MOV10L1: variants seen among roughly 807,000 people sequenced by gnomAD.
MOV10L1 encodes the protein RNA helicase Mov10l1.
A neutral mutation model predicts 143.8 loss-of-function variants in MOV10L1; 110 were observed. That is an observed-to-expected ratio of 0.76 (90% CI 0.66 to 0.90). MOV10L1 has a LOEUF of 0.90. Ranked by LOEUF, MOV10L1 falls within the 40% of genes least tolerant of loss-of-function variation. MOV10L1 has a pLI of 0.00. For missense variants in MOV10L1, 1,406 were observed against 1,526.8 expected, an observed-to-expected ratio of 0.92 and a Z score of 1.32; for synonymous variants, 593 against 581.1, an observed-to-expected ratio of 1.02 and a Z score of -0.29.
intron 5 of MOV10L1, among the ~76,000 whole-genome samples, chr22:50,111,636 T>C (rs1356623995): frequency 1.3e-5 from 2 of 151,920 alleles, no homozygotes; most frequent in Non-Finnish European, 2.9e-5. Flanking sequence ...CCTGAGTAGC[T>C]GGGACTATAG....
intron 15 of MOV10L1, among the ~76,000 whole-genome samples, chr22:50,141,635 G>A (rs996641914): frequency 9.9e-5 from 15 of 151,922 alleles, no homozygotes; most frequent in African/African-American, 3.1e-4. Context: ...CCCCGTGCCC[G>A]GCCTGGTGCA....
chr22:50,155,887 C>T (rs937601261), intron 22 of MOV10L1, among the ~76,000 whole-genome samples: 1 of 152,014 alleles, frequency 6.6e-6, no homozygotes, highest in Admixed American at 6.5e-5. Context: ...CCTGTCTCTA[C>T]AAAAAATACA....
In MOV10L1 at chr22:50,113,802, T is replaced by C; in HGVS notation, c.884+14T>C. On this transcript the variant is annotated intron_variant, in intron 6 of 26. Coordinates refer to ENST00000262794, the MANE Select transcript of MOV10L1 (RefSeq NM_018995.3). Reference sequence around the variant, plus strand: ...GATCTGGATAGAGTGAGTTTGCCACTGAAACATTTTCTATAAAGCTACATT... The same window carrying C: ...GATCTGGATAGAGTGAGTTTGCCACCGAAACATTTTCTATAAAGCTACATT... The C allele has an allele frequency of 1.9e-6, 3 of 1,570,142 alleles. No individual in the cohort carries two copies. Among genetic ancestry groups the C allele is most frequent in the Non-Finnish European group, 2.6e-6 (3 of 1,158,844 alleles).
intron 12 of MOV10L1, among the ~76,000 whole-genome samples, chr22:50,126,754 G>A (rs2062518483): frequency 6.6e-6 from 1 of 152,210 alleles, no homozygotes; most frequent in East Asian, 1.9e-4. Flanking sequence ...ATCTGCATGA[G>A]AAGGGAGGTG....
intron 7 of MOV10L1, 51 bp downstream of exon 7, chr22:50,114,673 G>C: frequency 3.8e-6 from 6 of 1,597,902 alleles, no homozygotes; most frequent in Non-Finnish European, 4.3e-6. Context: ...GCTGGGGGCC[G>C]TGGGGTTGTG....
In MOV10L1 at chr22:50,101,071, A is replaced by T. The variant is rs571341984; in HGVS notation, c.442+1469A>T. 3.9e-5 allele frequency among the ~76,000 whole-genome samples: 6 copies of T among 151,916 alleles called. 1 individual carries two copies. In the South Asian group the frequency reaches 1.2e-3, roughly 32 times the overall value. ...GGAAGTGGCTTCTGAGCTGAAGTCC[A>T]TTTGCACAGCCCACAGCACTGCCTG... On this transcript the variant is annotated intron_variant, in intron 3 of 26. Coordinates refer to ENST00000262794, the MANE Select transcript of MOV10L1 (RefSeq NM_018995.3).
chr22:50,102,727 C>T (rs2061776390), intron 3 of MOV10L1, among the ~76,000 whole-genome samples: 1 of 152,020 alleles, frequency 6.6e-6, no homozygotes, highest in Non-Finnish European at 1.5e-5. Context: ...CATGGAGAAA[C>T]CCCGTCTCTA....
At position 50,143,124 on chromosome 22, in the gene MOV10L1, A is replaced by AATT; in HGVS notation, c.2262_2263insTTA (p.Lys754_Arg755insLeu). 1 of 1,614,176 alleles carries AATT rather than the reference A, an allele frequency of 6.2e-7. No homozygotes were observed. Among genetic ancestry groups the AATT allele is most frequent in the Non-Finnish European group, 8.5e-7 (1 of 1,179,996 alleles). On this transcript the variant is annotated inframe_insertion, in exon 17 of 27. Transcript: ENST00000262794. ...AATGAAAATCAGAAGTTAGCAGTTA[A>AATT]AAGGATTCTGAGTGGTGACTGCCGT...
intron 5 of MOV10L1, 76 bp from the exon 6 acceptor site, chr22:50,113,572 A>G: frequency 5.8e-6 from 9 of 1,561,450 alleles, no homozygotes; most frequent in Non-Finnish European, 6.9e-6. Context: ...CCAGCAGTCT[A>G]TCCTCAGGAG....
chr22:50,143,143 C>A lies in MOV10L1; in HGVS notation c.2280C>A (p.Asp760Glu), dbSNP rs766582920. Residue 760 changes from aspartate to glutamate, a missense_variant, in exon 17 of 27, where the codon GAC (aspartate) becomes GAA (glutamate). Asp to Glu is a conservative substitution (Grantham distance 45). Coordinates refer to ENST00000262794, the MANE Select transcript of MOV10L1 (RefSeq NM_018995.3). ...CAGTTAAAAGGATTCTGAGTGGTGA[C>A]TGCCGTCCCCTCCCGTATATTCTCT... ...KLAVKRILSG[D>E]CRPLPYILFG... The A allele has an allele frequency of 1.2e-6, 2 of 1,614,188 alleles. No individual in the cohort carries two copies. Among genetic ancestry groups the A allele is most frequent in the Non-Finnish European group, 8.5e-7 (1 of 1,180,000 alleles).
chr22:50,153,255 G>A (rs775923941), intron 22 of MOV10L1, 37 bp downstream of exon 22: 45 of 1,583,302 alleles, frequency 2.8e-5, no homozygotes, highest in Non-Finnish European at 3.6e-5. Flanking sequence ...GACCGTGTCG[G>A]GTAAGGACAG....
chr22:50,144,404 TA>T (rs1466756894), intron 18 of MOV10L1, among the ~76,000 whole-genome samples, 161 bp downstream of exon 18: 1 of 152,182 alleles, frequency 6.6e-6, no homozygotes, highest in Non-Finnish European at 1.5e-5. Flanking sequence ...CCCTCACCGC[TA>T]AATGGTGGAG....
At chr22:50,112,261 G>A (rs938241509) in intron 5 of MOV10L1, among the ~76,000 whole-genome samples, 2 of 152,208 alleles carry the variant, frequency 1.3e-5, no homozygotes, top group South Asian at 2.1e-4. Context: ...ATCTGACCAC[G>A]GAAGCCTGGG....
At chr22:50,155,855 G>A (rs769415734) in intron 22 of MOV10L1, among the ~76,000 whole-genome samples, 1 of 152,124 alleles carries the variant, frequency 6.6e-6, no homozygotes, top group South Asian at 2.1e-4. Flanking sequence ...GTTCAAGAAC[G>A]GCCAGGACAA....
At chr22:50,117,722 G>A (rs747712098) in intron 9 of MOV10L1, among the ~76,000 whole-genome samples, 3 of 152,124 alleles carry the variant, frequency 2.0e-5, no homozygotes, top group Non-Finnish European at 2.9e-5. Flanking sequence ...CGGCATCCCC[G>A]TGTCATTCGC....
chr22:50,154,072 G>A (rs1275544076), intron 22 of MOV10L1, among the ~76,000 whole-genome samples: 1 of 152,224 alleles, frequency 6.6e-6, no homozygotes, highest in Non-Finnish European at 1.5e-5. Context: ...GTCCAAAGTG[G>A]TGGGATGGGA....
At chr22:50,102,141 A>G (rs966866680) in intron 3 of MOV10L1, among the ~76,000 whole-genome samples, 11 of 152,260 alleles carry the variant, frequency 7.2e-5, no homozygotes, top group African/African-American at 2.7e-4. Context: ...AGGCAAAGTC[A>G]GGTCCTCTTG....
At chr22:50,137,053 A>G (rs1426704531) in intron 15 of MOV10L1, among the ~76,000 whole-genome samples, 3 of 152,234 alleles carry the variant, frequency 2.0e-5, no homozygotes, top group Non-Finnish European at 4.4e-5. Context: ...ATTGGATTAC[A>G]TCCCAGAACA....
chr22:50,144,863 G>T (rs1602322280), intron 18 of MOV10L1, among the ~76,000 whole-genome samples: 1 of 151,978 alleles, frequency 6.6e-6, no homozygotes, highest in Non-Finnish European at 1.5e-5. Context: ...TTACAGGCGT[G>T]AGCCACCGTG....
Sources: gnomAD v4.1 joint callset for allele counts (sites outside exome capture counted in the v4.1 genomes callset) on GRCh38, gnomAD v4.1.1 for gene constraint, MANE v1.5 for transcripts, NCBI Gene and HGNC (gene_info 2026-07-23, HGNC 2026-07-21) for gene names.